Variants in IGF2R observed in about 807,000 individuals in gnomAD.
IGF2R encodes cation-independent mannose-6-phosphate receptor.
IGF2R carries 91 observed loss-of-function variants against 270.6 expected under a neutral mutation model. The observed-to-expected ratio is 0.34, with a 90% CI of 0.28 to 0.40. The LOEUF (loss-of-function observed/expected upper bound fraction) is 0.40. IGF2R is among the 10% of genes least tolerant of loss of function. The pLI is 1.00. For synonymous variants in IGF2R, 1,316 were observed against 1,258.9 expected (o/e 1.05, Z -0.96); for missense variants, 2,805 against 3,188.3 (o/e 0.88, Z 2.90).
chr6:159,986,359 G>A (rs1468700322), intron 1 of IGF2R, among the ~76,000 whole-genome samples: 2 of 150,824 alleles, frequency 1.3e-5, no homozygotes, highest in East Asian at 3.9e-4. Flanking sequence ...AGCCTCCCGA[G>A]TAGTTGGGAC....
intron 27 of IGF2R, 26 bp downstream of exon 27, chr6:160,063,656 T>C (rs1201844482): frequency 1.9e-6 from 3 of 1,547,554 alleles, no homozygotes; most frequent in Non-Finnish European, 2.7e-6. Flanking sequence ...GTTTTCCTTT[T>C]GTTGCAAAGG....
At chr6:160,020,244 C>T (rs1777402491) in intron 4 of IGF2R, among the ~76,000 whole-genome samples, 1 of 150,724 alleles carries the variant, frequency 6.6e-6, no homozygotes, top group Admixed American at 6.6e-5. Context: ...TACATTTAGC[C>T]AAGGAGGTGA....
At chr6:160,093,268 A>C (rs1305838796) in intron 44 of IGF2R, 1 of 182,076 alleles carries the variant, frequency 5.5e-6, no homozygotes, top group Non-Finnish European at 1.2e-5. Context: ...GGATTGGTCC[A>C]TTGATCACTC....
In IGF2R at chr6:160,029,543, C is replaced by G. The variant is rs761046185; in HGVS notation, c.777-7C>G. On this transcript the variant is annotated splice_region_variant and splice_polypyrimidine_tract_variant and intron_variant, in intron 6 of 47. Transcript: ENST00000356956. ...GTAATACTCTTTTCTCAATGTGGCT[C>G]TCCCAGGCTTGTCCTGAGTTACGTG... 2 of 1,596,388 alleles carry G rather than the reference C, an allele frequency of 1.3e-6. No individual in the cohort carries two copies. Among genetic ancestry groups the G allele is most frequent in the Non-Finnish European group, 8.6e-7 (1 of 1,163,894 alleles).
chr6:160,029,723 T>C (rs1777653066), intron 7 of IGF2R, 68 bp downstream of exon 7: 1 of 1,141,890 alleles, frequency 8.8e-7, no homozygotes, highest in Admixed American at 1.8e-5. Flanking sequence ...CGAACGCGTT[T>C]CTGGGCTTGG....
intron 10 of IGF2R, among the ~76,000 whole-genome samples, chr6:160,035,096 GAC>G (rs1193989323): frequency 6.6e-6 from 1 of 152,138 alleles, no homozygotes; most frequent in Admixed American, 6.5e-5. Context: ...GACGATTGTA[GAC>G]ACAGTTGTAG....
rs953355977 is a variant in IGF2R, at chr6:160,043,002, C to T, written c.1481-146C>T. 4.1e-5 allele frequency: 32 copies of T among 771,124 alleles called. No individual in the cohort carries two copies. The East Asian group carries it at 5.9e-4, about 14-fold the overall frequency. 47.8% of individuals were successfully genotyped at this position (771,124 alleles called of 1,614,324 possible). On this transcript the variant is annotated intron_variant, in intron 11 of 47. Coordinates refer to ENST00000356956, the MANE Select transcript of IGF2R (RefSeq NM_000876.4). ...TGAATTTTTGTGCTTTCAGTCTGCCCGGGTTCCAGAAACAGCGCTGGGGAT... is the reference window on the plus strand; with the variant it reads ...TGAATTTTTGTGCTTTCAGTCTGCCTGGGTTCCAGAAACAGCGCTGGGGAT...
intron 43 of IGF2R, among the ~76,000 whole-genome samples, 159 bp from the exon 44 acceptor site, chr6:160,089,757 G>T (rs188218331): frequency 6.6e-6 from 1 of 152,314 alleles, no homozygotes; most frequent in Admixed American, 6.5e-5. Flanking sequence ...CAGAATTGCT[G>T]TGGGGTCACA....
At chr6:160,045,467 C>T (rs1163598159) in intron 13 of IGF2R, among the ~76,000 whole-genome samples, 1 of 152,202 alleles carries the variant, frequency 6.6e-6, no homozygotes, top group Non-Finnish European at 1.5e-5. Flanking sequence ...CATCCATCTC[C>T]AGAACTTTTT....
At chr6:160,078,710 C>T (rs1430466917) in intron 37 of IGF2R, among the ~76,000 whole-genome samples, 2 of 152,178 alleles carry the variant, frequency 1.3e-5, no homozygotes, top group African/African-American at 4.8e-5. Context: ...GGGGACAGGG[C>T]CAGCTCCTGG....
chr6:160,057,996 C>T (rs752676689), intron 20 of IGF2R, 27 bp from the exon 21 acceptor site: 1 of 1,459,208 alleles, frequency 6.9e-7, no homozygotes. Context: ...TGAATGCGCC[C>T]CTTTTTCCCC....
At chr6:159,997,027 C>A (rs1349842266) in intron 2 of IGF2R, among the ~76,000 whole-genome samples, 2 of 152,160 alleles carry the variant, frequency 1.3e-5, no homozygotes, top group Non-Finnish European at 2.9e-5. Context: ...AGGAGAAGTC[C>A]TACTACCCAC....
At chr6:160,059,206 G>A (rs1424232181) in intron 22 of IGF2R, 108 bp downstream of exon 22, 1 of 895,280 alleles carries the variant, frequency 1.1e-6, no homozygotes, top group Non-Finnish European at 1.7e-6. Flanking sequence ...GCCACCATGG[G>A]CTGTGCTGTC....
intron 21 of IGF2R, among the ~76,000 whole-genome samples, chr6:160,058,583 A>G (rs1036817822): frequency 6.6e-6 from 1 of 152,226 alleles, no homozygotes; most frequent in African/African-American, 2.4e-5. Flanking sequence ...ATAATTGAAA[A>G]TATTATAACA....
rs1779164854 is a variant in IGF2R, at chr6:160,089,209, C to T, written c.6423C>T (p.Asn2141=). 2 of 1,613,272 alleles carry T rather than the reference C, an allele frequency of 1.2e-6. No individual in the cohort carries two copies. Among genetic ancestry groups the T allele is most frequent in the Non-Finnish European group, 1.7e-6 (2 of 1,179,398 alleles). Residue 2141 remains asparagine (N), a synonymous_variant, in exon 43 of 48, where the codon AAC becomes AAT. Transcript: ENST00000356956. ...AGATGGTGAATGGGACCATCACCAA[C>T]CCTATAAATGGCAAGAGCTTCAGCC... The part of the protein sequence containing the change: ...EVQMVNGTIT[N]PINGKSFSLG...
chr6:160,010,799 T>C lies in IGF2R; in HGVS notation c.513+14T>C, dbSNP rs756621286. 1 of 1,423,522 alleles carries C rather than the reference T, an allele frequency of 7.0e-7. No homozygotes were observed. The highest frequency in any genetic ancestry group is 1.1e-5 in the South Asian group (1 of 87,178). The allele number at this position is 1,423,522 out of a possible 1,614,324, so 88.2% of individuals were successfully genotyped here. ...GCAAATAAGGAGGTAACATGGGAACTTCAAATTACATGCTTATGAAGTATA... is the reference window on the plus strand; with the variant it reads ...GCAAATAAGGAGGTAACATGGGAACCTCAAATTACATGCTTATGAAGTATA... On this transcript the variant is annotated intron_variant, in intron 4 of 47. Transcript: ENST00000356956.
At chr6:159,978,704 G>A (rs1783733195) in intron 1 of IGF2R, among the ~76,000 whole-genome samples, 3 of 152,004 alleles carry the variant, frequency 2.0e-5, no homozygotes, top group East Asian at 1.9e-4. Context: ...AAAGCAATGC[G>A]TCATAAGCCT....
chr6:160,079,459 G>C (rs1778927537), intron 37 of IGF2R, 121 bp from the exon 38 acceptor site: 2 of 624,466 alleles, frequency 3.2e-6, no homozygotes, highest in Non-Finnish European at 4.8e-6. Flanking sequence ...GATGCACACA[G>C]AGGAGTCTTT....
At chr6:160,069,713 A>G (rs1583290737) in intron 30 of IGF2R, among the ~76,000 whole-genome samples, 155 bp from the exon 31 acceptor site, 1 of 152,250 alleles carries the variant, frequency 6.6e-6, no homozygotes, top group East Asian at 1.9e-4. Context: ...TGTCATTGTC[A>G]TCTGACTTAT....
Sources: allele counts gnomAD v4.1 joint callset (sites outside exome capture counted in the v4.1 genomes callset), GRCh38; gene constraint gnomAD v4.1.1; transcripts MANE v1.5; gene names NCBI Gene and HGNC (gene_info 2026-07-23, HGNC 2026-07-21).